MARCHF1: variants seen among roughly 807,000 people sequenced by gnomAD.
MARCHF1 encodes the protein E3 ubiquitin-protein ligase MARCHF1.
MARCHF1 carries 40 observed loss-of-function variants against 54.2 expected under a neutral mutation model. That is an observed-to-expected ratio of 0.74 (90% CI 0.57 to 0.96). MARCHF1 has a LOEUF of 0.96. Ranked by LOEUF, MARCHF1 falls within the 40% of genes least tolerant of loss-of-function variation. The probability of loss-of-function intolerance (pLI) is 0.00; values close to 1 mark genes in which losing one functional copy is unlikely to be tolerated. For synonymous variants in MARCHF1, 236 were observed against 236.3 expected (o/e 1.00, Z 0.01); for missense variants, 586 against 656.5 (o/e 0.89, Z 1.17).
intron 5 of MARCHF1, among the ~76,000 whole-genome samples, chr4:163,695,037 C>T (rs1018216729): frequency 6.6e-6 from 1 of 152,132 alleles, no homozygotes; most frequent in Admixed American, 6.6e-5. Flanking sequence ...AACTTACCCT[C>T]TAAAGGTATA....
intron 1 of MARCHF1, among the ~76,000 whole-genome samples, chr4:164,315,147 C>A (rs535271115): frequency 6.7e-5 from 10 of 148,622 alleles, no homozygotes; most frequent in Non-Finnish European, 1.2e-4. Context: ...TAAAACACTT[C>A]GGATCTCATT....
At chr4:164,018,952 G>A (rs1211580824) in intron 2 of MARCHF1, among the ~76,000 whole-genome samples, 1 of 152,084 alleles carries the variant, frequency 6.6e-6, no homozygotes, top group African/African-American at 2.4e-5. Flanking sequence ...TACTATATTG[G>A]TCCTTCAAAA....
intron 1 of MARCHF1, among the ~76,000 whole-genome samples, chr4:164,145,082 T>C (rs1237734601): frequency 6.9e-6 from 1 of 145,284 alleles, no homozygotes; most frequent in Non-Finnish European, 1.5e-5. Flanking sequence ...AAGAAATGGA[T>C]ACATTCCTCG....
intron 8 of MARCHF1, chr4:163,555,950 G>A (rs1026090022): frequency 4.2e-5 from 19 of 456,108 alleles, no homozygotes; most frequent in African/African-American, 1.2e-4. Flanking sequence ...GACAGTGCTC[G>A]TGTACTAAGC....
chr4:164,335,218 A>G (rs1334840627), intron 1 of MARCHF1, among the ~76,000 whole-genome samples: 1 of 152,228 alleles, frequency 6.6e-6, no homozygotes, highest in African/African-American at 2.4e-5. Context: ...GCTATCAAAA[A>G]GCAACACATG....
intron 5 of MARCHF1, among the ~76,000 whole-genome samples, chr4:163,629,183 A>T (rs993655215): frequency 7.2e-5 from 11 of 152,222 alleles, no homozygotes; most frequent in African/African-American, 2.4e-4. Flanking sequence ...TAACCAAAAC[A>T]GCATGGTACT....
chr4:163,937,224 A>G (rs917211974), intron 3 of MARCHF1, among the ~76,000 whole-genome samples: 2 of 152,184 alleles, frequency 1.3e-5, no homozygotes, highest in Non-Finnish European at 2.9e-5. Context: ...AAATGAGGGA[A>G]GAGAAAAAGA....
intron 4 of MARCHF1, among the ~76,000 whole-genome samples, chr4:163,800,513 ATACT>A (rs1472196721): frequency 6.6e-6 from 1 of 151,900 alleles, no homozygotes; most frequent in Admixed American, 6.6e-5. Context: ...CTTTTAAGGG[ATACT>A]TAAAGTAGCT....
chr4:164,012,638 G>A lies in MARCHF1; in HGVS notation c.-247-23929C>T, dbSNP rs145771626. Among the ~76,000 whole-genome samples, 7 of 152,198 alleles carry A rather than the reference G, an allele frequency of 4.6e-5. No individual in the cohort carries two copies. In the East Asian group the frequency reaches 1.4e-3, roughly 30 times the overall value. On this transcript the variant is annotated intron_variant, in intron 2 of 9. Transcript: ENST00000514618. ...ACCCTGAACAGTGCCAGCTATGGTG[G>A]ATATGAGAGTGTCCACATCACCCCT...
At chr4:164,313,930 G>A (rs1734933293) in intron 1 of MARCHF1, among the ~76,000 whole-genome samples, 1 of 152,054 alleles carries the variant, frequency 6.6e-6, no homozygotes, top group Non-Finnish European at 1.5e-5. Flanking sequence ...TTCATTATCT[G>A]CCTAAAAGAA....
At chr4:164,314,747 C>T (rs1734953038) in intron 1 of MARCHF1, among the ~76,000 whole-genome samples, 1 of 152,126 alleles carries the variant, frequency 6.6e-6, no homozygotes, top group Non-Finnish European at 1.5e-5. Flanking sequence ...ACCACTACTT[C>T]CTATTATTTC....
chr4:163,733,364 A>T (rs1392727866), intron 4 of MARCHF1, among the ~76,000 whole-genome samples: 1 of 142,366 alleles, frequency 7.0e-6, no homozygotes, highest in African/African-American at 2.6e-5. Context: ...GGAAATCTGG[A>T]TCTATACAAA....
intron 3 of MARCHF1, among the ~76,000 whole-genome samples, chr4:163,968,454 C>T (rs1392056013): frequency 6.6e-6 from 1 of 152,128 alleles, no homozygotes; most frequent in Non-Finnish European, 1.5e-5. Context: ...TAATAACAGA[C>T]CTCATGTCTT....
In MARCHF1 at chr4:163,626,327, T is replaced by G. The variant is rs934454884; in HGVS notation, c.163-12934A>C. ...CTATTGCCAATTGGCCTTGGCATTT[T>G]GAAAATTAATTACGGTTTCAAAAGA... On this transcript the variant is annotated intron_variant, in intron 5 of 9. Coordinates refer to ENST00000514618, the MANE Select transcript of MARCHF1 (RefSeq NM_001394959.1). Among the ~76,000 whole-genome samples, 7 of 152,244 alleles carry G rather than the reference T, an allele frequency of 4.6e-5. 1 individual carries two copies. Among genetic ancestry groups the G allele is most frequent in the Non-Finnish European group, 8.8e-5 (6 of 68,046 alleles).
chr4:164,112,714 T>C (rs1239950677), intron 1 of MARCHF1, among the ~76,000 whole-genome samples: 2 of 151,898 alleles, frequency 1.3e-5, no homozygotes, highest in African/African-American at 2.4e-5. Context: ...GTGAGAAAAC[T>C]AAATTCACAC....
chr4:164,310,825 A>G (rs866828929), intron 1 of MARCHF1, among the ~76,000 whole-genome samples: 3 of 152,186 alleles, frequency 2.0e-5, no homozygotes, highest in South Asian at 2.1e-4. Context: ...AACATAATTT[A>G]TCATACACAG....
intron 4 of MARCHF1, among the ~76,000 whole-genome samples, chr4:163,757,358 C>T (rs1746707283): frequency 1.3e-5 from 2 of 152,104 alleles, no homozygotes; most frequent in Admixed American, 6.5e-5. Flanking sequence ...TGTTAGTGTA[C>T]AGTTACTGCC....
rs987975240 is a variant in MARCHF1, at chr4:163,966,231, T to C, written c.-39+22270A>G. Among the ~76,000 whole-genome samples, 8 of 152,066 alleles carry C rather than the reference T, an allele frequency of 5.3e-5. 1 individual carries two copies. Among genetic ancestry groups the C allele is most frequent in the Admixed American group, 3.3e-4 (5 of 15,236 alleles). On this transcript the variant is annotated intron_variant, in intron 3 of 9. Transcript: ENST00000514618. ...GTAATTTAATAATCTGTTGTCTTTA[T>C]AAACATAGTTATTTTGCATATAAGG...
intron 1 of MARCHF1, chr4:164,188,565 G>T: frequency 1.3e-6 from 1 of 772,314 alleles, no homozygotes. Context: ...CGCATCACGC[G>T]GTCCTATGTG....
Sources: allele counts gnomAD v4.1 joint callset (sites outside exome capture counted in the v4.1 genomes callset), GRCh38; gene constraint gnomAD v4.1.1; transcripts MANE v1.5; gene names NCBI Gene and HGNC (gene_info 2026-07-23, HGNC 2026-07-21).